Variants in ATP11B observed in about 807,000 individuals in gnomAD.
ATP11B encodes the protein phospholipid-transporting ATPase IF.
In ATP11B, 81 loss-of-function variants were observed where a neutral mutation model predicts 157.8. The ratio of observed to expected loss-of-function variants is 0.51; its 90% CI spans 0.43 to 0.62. The LOEUF (loss-of-function observed/expected upper bound fraction) is 0.62, where lower values mean the gene tolerates loss of function less well. ATP11B is among the 20% of genes least tolerant of loss of function. The probability of loss-of-function intolerance (pLI) is 0.00; values close to 1 mark genes in which losing one functional copy is unlikely to be tolerated. For synonymous variants in ATP11B, 451 were observed against 469.4 expected (o/e 0.96, Z 0.51); for missense variants, 1,165 against 1,402.2 (o/e 0.83, Z 2.70).
chr3:182,918,087 G>T lies in ATP11B; in HGVS notation c.3517G>T (p.Asp1173Tyr). The change falls in exon 30 of 30, where the codon GAC becomes TAC. Residue 1173 changes from aspartate to tyrosine, a missense_variant. By Grantham distance (160) the Asp-to-Tyr change is radical. Transcript: ENST00000323116. ...DRSILTLSTM[D>Y]SSTC is the part of the protein sequence containing the mutation. Reference sequence around the variant, plus strand: ...GAGCATCTTGACTCTCTCCACAATGGACTCATCTACTTGTTAAAGGGGCAG... The same window carrying T: ...GAGCATCTTGACTCTCTCCACAATGTACTCATCTACTTGTTAAAGGGGCAG... 5 of 1,613,178 alleles carry T rather than the reference G, an allele frequency of 3.1e-6. No individual in the cohort carries two copies. Among genetic ancestry groups the T allele is most frequent in the Non-Finnish European group, 4.2e-6 (5 of 1,179,458 alleles).
At chr3:182,893,759 A>G (rs1723334207) in intron 25 of ATP11B, among the ~76,000 whole-genome samples, 1 of 152,160 alleles carries the variant, frequency 6.6e-6, no homozygotes, top group Non-Finnish European at 1.5e-5. Context: ...TCTTTAAGGA[A>G]TCTCCACACT....
At chr3:182,833,310 G>A (rs185503552) in intron 4 of ATP11B, among the ~76,000 whole-genome samples, 1 of 152,168 alleles carries the variant, frequency 6.6e-6, no homozygotes, top group African/African-American at 2.4e-5. Flanking sequence ...TTTGTGTTCT[G>A]TGTAACAAAG....
At chr3:182,851,457 A>T (rs1719972719) in intron 10 of ATP11B, among the ~76,000 whole-genome samples, 1 of 151,966 alleles carries the variant, frequency 6.6e-6, no homozygotes, top group South Asian at 2.1e-4. Flanking sequence ...ACTTCTTGTG[A>T]TGCTAGATGA....
chr3:182,796,744 T>C (rs1257312885), intron 1 of ATP11B, among the ~76,000 whole-genome samples: 1 of 152,230 alleles, frequency 6.6e-6, no homozygotes, highest in Non-Finnish European at 1.5e-5. Context: ...TACATGTTGC[T>C]GAACAAATAA....
chr3:182,820,725 A>G (rs1717285462), intron 2 of ATP11B, among the ~76,000 whole-genome samples: 1 of 152,108 alleles, frequency 6.6e-6, no homozygotes. Flanking sequence ...TTTAAAAGTG[A>G]TTATATGTGT....
chr3:182,907,510 C>T (rs1052898135), intron 28 of ATP11B, among the ~76,000 whole-genome samples: 4 of 152,160 alleles, frequency 2.6e-5, no homozygotes, highest in African/African-American at 9.7e-5. Context: ...TATTAAATAT[C>T]ATCAGTTGAA....
intron 10 of ATP11B, among the ~76,000 whole-genome samples, chr3:182,857,383 G>A (rs1720485208): frequency 6.6e-6 from 1 of 152,082 alleles, no homozygotes; most frequent in South Asian, 2.1e-4. Flanking sequence ...TCCTGATCTC[G>A]TGATCCACCC....
chr3:182,814,152 G>A (rs1018993239), intron 1 of ATP11B, among the ~76,000 whole-genome samples: 11 of 152,074 alleles, frequency 7.2e-5, no homozygotes, highest in Middle Eastern at 3.4e-3. Flanking sequence ...CAACCTCTGC[G>A]TCCCAGGTTT....
rs1725301489 is a variant in ATP11B at position 182,918,944 on chromosome 3, A to G, written c.*840A>G. ...ATCATTGGATCTTTTGCATGCTTTA[A>G]TCTGGTTAACATATTTAAATTTGCT... is the stretch of plus-strand genomic sequence containing the variant. On this transcript the variant is annotated 3_prime_UTR_variant, in exon 30 of 30. Transcript: ENST00000323116. 1 of 152,120 alleles carries G rather than the reference A, an allele frequency of 6.6e-6. No individual in the cohort carries two copies. Among genetic ancestry groups the G allele is most frequent in the Admixed American group, 6.6e-5 (1 of 15,250 alleles). The allele number at this position is 152,120 out of a possible 1,614,324, so 9.4% of individuals were successfully genotyped here.
At chr3:182,874,095 G>A (rs1721860782) in intron 19 of ATP11B, 80 bp downstream of exon 19, 2 of 1,221,254 alleles carry the variant, frequency 1.6e-6, no homozygotes, top group Non-Finnish European at 2.3e-6. Flanking sequence ...ATAGCCCACT[G>A]TCACTGCCTG....
intron 1 of ATP11B, among the ~76,000 whole-genome samples, chr3:182,799,370 G>A (rs1391045097): frequency 6.6e-6 from 1 of 151,590 alleles, no homozygotes; most frequent in African/African-American, 2.4e-5. Flanking sequence ...TTCGCCTCCT[G>A]GGTTCCCACC....
rs752424528 is a variant in ATP11B at position 182,889,559 on chromosome 3, T to A, written c.2982+11T>A. 3.3e-6 allele frequency: 5 copies of A among 1,525,076 alleles called. No homozygotes were observed. In the South Asian group the frequency reaches 5.2e-5, roughly 16 times the overall value. The allele number at this position is 1,525,076 out of a possible 1,614,324, so 94.5% of individuals were successfully genotyped here. ...CTTGGAAATGGCCAGGTAAAGTATA[T>A]AGTTTTTTTAAAGAATGCTTGTTAA... On this transcript the variant is annotated intron_variant, in intron 25 of 29. Transcript: ENST00000323116.
intron 22 of ATP11B, 106 bp from the exon 23 acceptor site, chr3:182,885,845 C>G: frequency 3.1e-6 from 2 of 651,880 alleles, no homozygotes; most frequent in Non-Finnish European, 5.0e-6. Flanking sequence ...CTTACCATAC[C>G]AACTGAGATT....
intron 10 of ATP11B, among the ~76,000 whole-genome samples, chr3:182,854,097 C>T (rs1720187677): frequency 1.3e-5 from 2 of 152,254 alleles, no homozygotes; most frequent in Admixed American, 6.5e-5. Flanking sequence ...AAACATGAAA[C>T]TTAGCTTCTG....
intron 1 of ATP11B, among the ~76,000 whole-genome samples, chr3:182,795,573 G>C (rs1383911444): frequency 6.6e-6 from 1 of 152,208 alleles, no homozygotes. Flanking sequence ...TTAACGAGTT[G>C]AACAAGTTCC....
intron 1 of ATP11B, among the ~76,000 whole-genome samples, chr3:182,797,009 G>C (rs2108478091): frequency 6.6e-6 from 1 of 152,282 alleles, no homozygotes; most frequent in East Asian, 1.9e-4. Flanking sequence ...GTCTTAATCT[G>C]AACTCCCTCA....
chr3:182,850,728 T>A (rs1307126674), intron 10 of ATP11B, among the ~76,000 whole-genome samples: 4 of 152,186 alleles, frequency 2.6e-5, no homozygotes, highest in African/African-American at 9.7e-5. Context: ...ACAATCCCAC[T>A]ACTGGGTTTT....
At chr3:182,905,146 A>T (rs966030741) in intron 28 of ATP11B, among the ~76,000 whole-genome samples, 1 of 152,182 alleles carries the variant, frequency 6.6e-6, no homozygotes, top group Non-Finnish European at 1.5e-5. Flanking sequence ...GGAAAAATAC[A>T]TAGAGATGAG....
At chr3:182,818,514 G>A (rs1168021533) in intron 1 of ATP11B, among the ~76,000 whole-genome samples, 1 of 152,082 alleles carries the variant, frequency 6.6e-6, no homozygotes, top group Non-Finnish European at 1.5e-5. Flanking sequence ...AAAATCTTAG[G>A]ACTTTAAATA....
Sources: gnomAD v4.1 joint callset for allele counts (sites outside exome capture counted in the v4.1 genomes callset) on GRCh38, gnomAD v4.1.1 for gene constraint, MANE v1.5 for transcripts, NCBI Gene and HGNC (gene_info 2026-07-23, HGNC 2026-07-21) for gene names.